The following THSD4 variants were observed in gnomAD, a reference collection of about 807,000 sequenced individuals.
THSD4 encodes the protein thrombospondin type-1 domain-containing protein 4.
A neutral mutation model predicts 119.0 loss-of-function variants in THSD4; 69 were observed. That is an observed-to-expected ratio of 0.58 (90% CI 0.48 to 0.71). The LOEUF (loss-of-function observed/expected upper bound fraction) is 0.71, where lower values mean the gene tolerates loss of function less well. Among genes scored for constraint, THSD4 ranks in the 30% least tolerant of loss-of-function variants. THSD4 has a pLI of 0.00. For missense variants in THSD4, 1,393 were observed against 1,391.1 expected, an observed-to-expected ratio of 1.00 and a Z score of -0.02; for synonymous variants, 524 against 540.4, an observed-to-expected ratio of 0.97 and a Z score of 0.42.
At chr15:71,689,265 G>A (rs1450141718) in intron 8 of THSD4, among the ~76,000 whole-genome samples, 3 of 152,124 alleles carry the variant, frequency 2.0e-5, no homozygotes, top group Admixed American at 6.5e-5. Context: ...CTGGTTCCTC[G>A]GATGCTCAGT....
intron 7 of THSD4, among the ~76,000 whole-genome samples, chr15:71,652,298 A>G (rs1350349447): frequency 6.6e-6 from 1 of 152,232 alleles, no homozygotes; most frequent in African/African-American, 2.4e-5. Flanking sequence ...AAAAAATTAC[A>G]ATAAAATCTG....
chr15:71,440,568 C>G (rs1180290725), intron 7 of THSD4, among the ~76,000 whole-genome samples: 1 of 152,150 alleles, frequency 6.6e-6, no homozygotes, highest in African/African-American at 2.4e-5. Context: ...AAAGTCTATG[C>G]CTTATTGCCG....
At chr15:71,722,889 G>A (rs769556863) in intron 8 of THSD4, among the ~76,000 whole-genome samples, 27 of 151,996 alleles carry the variant, frequency 1.8e-4, no homozygotes, top group Non-Finnish European at 3.2e-4. Context: ...GTGCACAAAC[G>A]GGATTATACC....
At chr15:71,759,532 CTA>C (rs2053597224) in intron 15 of THSD4, among the ~76,000 whole-genome samples, 1 of 152,188 alleles carries the variant, frequency 6.6e-6, no homozygotes, top group Admixed American at 6.5e-5. Context: ...TCCCATCTCT[CTA>C]TGTTTATTTT....
At position 71,108,201 on chromosome 15, in the gene THSD4, G is replaced by GGGGC. The variant is rs2040282040; in HGVS notation, c.-80+11195_-80+11196insGGGC. On this transcript the variant is annotated intron_variant, in intron 1 of 17. Coordinates refer to the THSD4 transcript ENST00000355327. ...GCCTGGAGGTGGGAGCTGTCCCAGT[G>GGGGC]CTATGGAAGAAATGCTTCTCAGGCC... is the stretch of plus-strand genomic sequence containing the variant. Among the ~76,000 whole-genome samples the GGGGC allele has an allele frequency of 2.0e-5, 3 of 152,308 alleles. No individual in the cohort carries two copies. In the South Asian group the frequency reaches 6.2e-4, roughly 32 times the overall value.
intron 7 of THSD4, among the ~76,000 whole-genome samples, chr15:71,465,318 A>G (rs1475353454): frequency 1.3e-5 from 2 of 152,218 alleles, no homozygotes; most frequent in Non-Finnish European, 2.9e-5. Context: ...TCAGCAGTTC[A>G]GGCTCCTACT....
intron 1 of THSD4, among the ~76,000 whole-genome samples, chr15:71,108,288 TTC>T (rs1166611800): frequency 1.3e-5 from 2 of 152,104 alleles, no homozygotes; most frequent in Non-Finnish European, 1.5e-5. Flanking sequence ...AGAGGCTGAG[TTC>T]TGGAAAGCGG....
chr15:71,613,074 C>G (rs946113705), intron 7 of THSD4, among the ~76,000 whole-genome samples: 11 of 152,128 alleles, frequency 7.2e-5, no homozygotes, highest in African/African-American at 1.9e-4. Context: ...AAAGCAAATG[C>G]ATTTTCATTT....
chr15:71,423,833 C>T (rs1002596177), intron 7 of THSD4, among the ~76,000 whole-genome samples: 10 of 152,214 alleles, frequency 6.6e-5, no homozygotes, highest in Non-Finnish European at 1.5e-4. Flanking sequence ...CGTGGCAAGC[C>T]TTGCCATAAC....
intron 6 of THSD4, among the ~76,000 whole-genome samples, chr15:71,320,015 T>G (rs559641988): frequency 4.6e-4 from 70 of 152,312 alleles, no homozygotes; most frequent in African/African-American, 1.5e-3. Flanking sequence ...AATTGGTGGT[T>G]GTTGTTAGAT....
intron 7 of THSD4, among the ~76,000 whole-genome samples, chr15:71,424,029 C>T (rs112771909): frequency 6.6e-6 from 1 of 152,152 alleles, no homozygotes; most frequent in Non-Finnish European, 1.5e-5. Flanking sequence ...CTCTCTGCAC[C>T]CCATGGCTGC....
At chr15:71,215,009 C>T (rs1230565010) in intron 3 of THSD4, 26 bp from the exon 4 acceptor site, 4 of 1,245,822 alleles carry the variant, frequency 3.2e-6, no homozygotes, top group Non-Finnish European at 4.0e-6. Context: ...GTGTTCTGGT[C>T]CCCTAACCTG....
intron 7 of THSD4, among the ~76,000 whole-genome samples, chr15:71,572,740 G>A (rs1254246843): frequency 6.6e-6 from 1 of 152,142 alleles, no homozygotes; most frequent in Non-Finnish European, 1.5e-5. Context: ...TAGGGTTAGG[G>A]GTGGGGAGAA....
At chr15:71,555,646 T>A (rs552308651) in intron 7 of THSD4, among the ~76,000 whole-genome samples, 3 of 152,330 alleles carry the variant, frequency 2.0e-5, no homozygotes, top group East Asian at 3.9e-4. Context: ...TGTATTTGAA[T>A]GTATCCATTT....
At chr15:71,557,276 A>G (rs952120215) in intron 7 of THSD4, among the ~76,000 whole-genome samples, 1 of 152,224 alleles carries the variant, frequency 6.6e-6, no homozygotes, top group Admixed American at 6.5e-5. Context: ...GTGATAAATT[A>G]CAGAAACAGA....
intron 7 of THSD4, among the ~76,000 whole-genome samples, chr15:71,659,840 G>A (rs2051266643): frequency 6.6e-6 from 1 of 152,176 alleles, no homozygotes; most frequent in African/African-American, 2.4e-5. Context: ...GGGAATTCAG[G>A]AAAGTCAGAA....
rs184757362 is a variant in THSD4, at chr15:71,726,034, C to G, written c.1358-2515C>G. Among the ~76,000 whole-genome samples the G allele has an allele frequency of 2.8e-3, 423 of 152,350 alleles. 2 individuals carry two copies. The highest frequency in any genetic ancestry group is 4.9e-3 in the Non-Finnish European group (335 of 68,040). ...ACCTCAGGTGATCTGCCCGCCTCAG[C>G]CTCCCAAAGTGCTGGGACTGCAAGC... On this transcript the variant is annotated intron_variant, in intron 8 of 17. Coordinates refer to ENST00000261862, the MANE Select transcript of THSD4 (RefSeq NM_024817.3).
At chr15:71,347,644 T>G (rs1464561518) in intron 6 of THSD4, among the ~76,000 whole-genome samples, 1 of 152,174 alleles carries the variant, frequency 6.6e-6, no homozygotes, top group Admixed American at 6.5e-5. Flanking sequence ...TATATACCTG[T>G]GCAGTCCAAT....
At chr15:71,335,987 G>A (rs1332803029) in intron 6 of THSD4, among the ~76,000 whole-genome samples, 2 of 152,174 alleles carry the variant, frequency 1.3e-5, no homozygotes, top group Non-Finnish European at 2.9e-5. Context: ...GACTGCAGCA[G>A]AACACAGTCA....
Sources: allele counts gnomAD v4.1 joint callset (sites outside exome capture counted in the v4.1 genomes callset), GRCh38; gene constraint gnomAD v4.1.1; transcripts MANE v1.5; gene names NCBI Gene and HGNC (gene_info 2026-07-23, HGNC 2026-07-21).